Variants in RBFOX1 observed in about 807,000 individuals in gnomAD.
The protein encoded by RBFOX1 is RNA binding fox-1 homolog 1, also known as RNA binding protein fox-1 homolog 1.
RBFOX1 carries 8 observed loss-of-function variants against 57.7 expected under a neutral mutation model. The ratio of observed to expected loss-of-function variants is 0.14; its 90% CI spans 0.08 to 0.25. The LOEUF (loss-of-function observed/expected upper bound fraction) is 0.25, where lower values mean the gene tolerates loss of function less well. RBFOX1 is among the 10% of genes least tolerant of loss of function. The pLI is 1.00. For synonymous variants in RBFOX1, 326 were observed against 222.4 expected (o/e 1.47, Z -4.15); for missense variants, 611 against 548.5 (o/e 1.11, Z -1.14).
chr16:7,472,551 T>A (rs747214530), intron 4 of RBFOX1, among the ~76,000 whole-genome samples: 1 of 152,222 alleles, frequency 6.6e-6, no homozygotes. Flanking sequence ...CAGTACACAG[T>A]GCAAATATAC....
At chr16:7,493,532 C>A (rs564586740) in intron 4 of RBFOX1, among the ~76,000 whole-genome samples, 1 of 152,094 alleles carries the variant, frequency 6.6e-6, no homozygotes, top group African/African-American at 2.4e-5. Context: ...CCAGATGAGT[C>A]CAGTGTAATC....
chr16:7,164,159 C>T (rs545227145), intron 4 of RBFOX1, among the ~76,000 whole-genome samples: 4 of 152,116 alleles, frequency 2.6e-5, no homozygotes, highest in Admixed American at 6.6e-5. Context: ...CTGTATCATT[C>T]TTACGTCTTT....
intron 2 of RBFOX1, among the ~76,000 whole-genome samples, chr16:6,318,455 C>T (rs753389998): frequency 1.3e-5 from 2 of 152,090 alleles, no homozygotes; most frequent in African/African-American, 4.8e-5. Context: ...TTTAAAGCAG[C>T]ATCTTTCTCA....
At chr16:6,101,328 C>G (rs2096305112) in intron 1 of RBFOX1, among the ~76,000 whole-genome samples, 1 of 152,158 alleles carries the variant, frequency 6.6e-6, no homozygotes, top group African/African-American at 2.4e-5. Context: ...TTGTAAAAAC[C>G]ACAGAGCATT....
At chr16:6,164,541 A>G (rs2096902362) in intron 1 of RBFOX1, among the ~76,000 whole-genome samples, 1 of 148,912 alleles carries the variant, frequency 6.7e-6, no homozygotes, top group African/African-American at 2.5e-5. Context: ...ATCTCGGCCC[A>G]CTGCAACCTC....
intron 3 of RBFOX1, among the ~76,000 whole-genome samples, chr16:6,900,722 C>CAGGAAAGAAA (rs2068259942): frequency 6.6e-6 from 1 of 152,134 alleles, no homozygotes; most frequent in African/African-American, 2.4e-5. Flanking sequence ...TCCATGATGC[C>CAGGAAAGAAA]GTTCCTATCT....
At chr16:6,739,833 C>T (rs549715667) in intron 3 of RBFOX1, among the ~76,000 whole-genome samples, 3 of 152,062 alleles carry the variant, frequency 2.0e-5, no homozygotes, top group Non-Finnish European at 4.4e-5. Context: ...GCCAAGATTG[C>T]ACCACTTCAC....
At chr16:6,900,518 C>T (rs577243039) in intron 3 of RBFOX1, among the ~76,000 whole-genome samples, 1 of 152,320 alleles carries the variant, frequency 6.6e-6, no homozygotes, top group East Asian at 1.9e-4. Context: ...TGGTCTGGCC[C>T]TGCCCTTCTC....
At chr16:7,680,419 A>C in intron 14 of RBFOX1, among the ~76,000 whole-genome samples, 1 of 152,130 alleles carries the variant, frequency 6.6e-6, no homozygotes, top group Non-Finnish European at 1.5e-5. Context: ...AACACTCTTA[A>C]CATTTCCTAA....
intron 4 of RBFOX1, among the ~76,000 whole-genome samples, chr16:7,106,984 AACACACACACAC>A (rs61104403): frequency 6.7e-6 from 1 of 148,514 alleles, no homozygotes; most frequent in African/African-American, 2.5e-5. Flanking sequence ...ACACAGTTAA[AACACACACACAC>A]ACACACACAC....
intron 1 of RBFOX1, among the ~76,000 whole-genome samples, chr16:6,274,285 C>CT (rs2075553090): frequency 6.6e-6 from 1 of 152,114 alleles, no homozygotes; most frequent in African/African-American, 2.4e-5. Context: ...TAGATAGAAA[C>CT]TGGGAACAGC....
At chr16:5,693,367 C>CAAA (rs71142645) in intron 3 of RBFOX1, among the ~76,000 whole-genome samples, 423 of 148,278 alleles carry the variant, frequency 2.9e-3, no homozygotes, top group African/African-American at 6.3e-3. Context: ...ATAGGCAGAT[C>CAAA]AAAAAAAAAA....
intron 3 of RBFOX1, among the ~76,000 whole-genome samples, chr16:7,002,615 G>C (rs933999852): frequency 5.3e-5 from 8 of 152,168 alleles, no homozygotes; most frequent in Non-Finnish European, 7.3e-5. Flanking sequence ...GGGAGGCTGA[G>C]GCAGGAGAAT....
At chr16:6,691,899 A>G (rs966110287) in intron 3 of RBFOX1, among the ~76,000 whole-genome samples, 1 of 152,170 alleles carries the variant, frequency 6.6e-6, no homozygotes, top group Non-Finnish European at 1.5e-5. Flanking sequence ...GAAAGATGCT[A>G]CTTTTCTGGT....
chr16:7,692,422 A>G (rs1198673805), intron 14 of RBFOX1, among the ~76,000 whole-genome samples: 1 of 152,158 alleles, frequency 6.6e-6, no homozygotes, highest in Admixed American at 6.5e-5. Flanking sequence ...GCACTGAAAC[A>G]TTTGAACAAA....
chr16:5,623,855 TATC>T (rs2048270536), intron 3 of RBFOX1, among the ~76,000 whole-genome samples: 2 of 152,190 alleles, frequency 1.3e-5, no homozygotes, highest in African/African-American at 4.8e-5. Context: ...TCTATTGAGA[TATC>T]ATTCATATAC....
At chr16:7,474,539 A>G (rs190475595) in intron 4 of RBFOX1, among the ~76,000 whole-genome samples, 29 of 152,334 alleles carry the variant, frequency 1.9e-4, no homozygotes, top group Admixed American at 4.6e-4. Context: ...TGCAAAAGCA[A>G]TTACGGTTTT....
intron 2 of RBFOX1, among the ~76,000 whole-genome samples, chr16:6,625,019 G>T (rs2098283261): frequency 1.3e-5 from 2 of 151,948 alleles, no homozygotes; most frequent in African/African-American, 4.8e-5. Context: ...ACAAAAATTA[G>T]CTGGGTGTGG....
intron 4 of RBFOX1, among the ~76,000 whole-genome samples, chr16:7,312,134 C>A (rs1247279769): frequency 1.3e-5 from 2 of 152,322 alleles, no homozygotes; most frequent in East Asian, 1.9e-4. Context: ...AATCCCAGCA[C>A]TTTAGGAGGC....
Sources: allele counts gnomAD v4.1 joint callset (sites outside exome capture counted in the v4.1 genomes callset), GRCh38; gene constraint gnomAD v4.1.1; transcripts MANE v1.5; gene names NCBI Gene and HGNC (gene_info 2026-07-23, HGNC 2026-07-21).